The following TMTC2 variants were observed in gnomAD, a reference collection of about 807,000 sequenced individuals.
TMTC2 encodes the protein transmembrane O-mannosyltransferase targeting cadherins 2, also known as protein O-mannosyl-transferase TMTC2.
Under a neutral mutation model 82.4 loss-of-function variants are expected in TMTC2, and 43 were observed. The ratio of observed to expected loss-of-function variants is 0.52; its 90% CI spans 0.41 to 0.67. The LOEUF (loss-of-function observed/expected upper bound fraction) is 0.67, where lower values mean the gene tolerates loss of function less well. TMTC2 is among the 30% of genes least tolerant of loss of function. The pLI, the probability that TMTC2 is intolerant of heterozygous loss-of-function variation, is 0.00. For missense variants in TMTC2, 919 were observed against 1,012.4 expected (o/e 0.91, Z 1.25); for synonymous variants, 408 against 381.9 (o/e 1.07, Z -0.80).
chr12:82,769,402 G>T, intron 1 of TMTC2, among the ~76,000 whole-genome samples: 1 of 152,014 alleles, frequency 6.6e-6, no homozygotes, highest in African/African-American at 2.4e-5. Flanking sequence ...TTTGAGCCTG[G>T]GAGGCAGAGG....
chr12:83,027,574 C>T (rs1347472367), intron 8 of TMTC2, among the ~76,000 whole-genome samples: 7 of 152,064 alleles, frequency 4.6e-5, no homozygotes, highest in South Asian at 2.1e-4. Context: ...TTCCAAGAAC[C>T]GACTGACCAC....
intron 1 of TMTC2, among the ~76,000 whole-genome samples, chr12:82,688,005 A>G (rs1473657588): frequency 6.6e-6 from 1 of 152,216 alleles, no homozygotes; most frequent in African/African-American, 2.4e-5. Context: ...CCTTGATGCA[A>G]CAAAGCACAT....
intron 1 of TMTC2, among the ~76,000 whole-genome samples, chr12:82,835,120 C>T (rs1053281050): frequency 3.3e-5 from 5 of 152,140 alleles, no homozygotes; most frequent in African/African-American, 1.2e-4. Flanking sequence ...ACCTTGGCCT[C>T]CCAAAGTGCA....
At chr12:82,771,417 G>C (rs1044221592) in intron 1 of TMTC2, among the ~76,000 whole-genome samples, 7 of 152,002 alleles carry the variant, frequency 4.6e-5, no homozygotes, top group African/African-American at 1.7e-4. Flanking sequence ...GACTTCCCTT[G>C]AAAACTTAAG....
chr12:82,824,066 G>A (rs1403078955), intron 1 of TMTC2, among the ~76,000 whole-genome samples: 1 of 152,018 alleles, frequency 6.6e-6, no homozygotes, highest in Non-Finnish European at 1.5e-5. Context: ...GCTAATTTTT[G>A]TATTTTTAAT....
In TMTC2 at chr12:82,889,221, G is replaced by C. The variant is rs370767025; in HGVS notation, c.655-6597G>C. On this transcript the variant is annotated intron_variant, in intron 2 of 11. Coordinates refer to ENST00000321196, the MANE Select transcript of TMTC2 (RefSeq NM_152588.3). Reference sequence around the variant, plus strand: ...GAATGTGGGAGGCAGAGGCTGCAGTGAGCCGAGATCGTACCATTGCACTCC... The same window carrying C: ...GAATGTGGGAGGCAGAGGCTGCAGTCAGCCGAGATCGTACCATTGCACTCC... Among the ~76,000 whole-genome samples, 8 of 149,496 alleles carry C rather than the reference G, an allele frequency of 5.4e-5. No individual in the cohort carries two copies. In the South Asian group the frequency reaches 1.7e-3, roughly 32 times the overall value.
chr12:82,756,295 A>G (rs1240281313), intron 1 of TMTC2, among the ~76,000 whole-genome samples: 3 of 152,212 alleles, frequency 2.0e-5, no homozygotes, highest in Admixed American at 2.0e-4. Context: ...TTCCATGTAT[A>G]TGAAACACCT....
intron 1 of TMTC2, chr12:82,690,411 A>G (rs1872526624): frequency 3.0e-6 from 3 of 985,128 alleles, no homozygotes; most frequent in Non-Finnish European, 3.6e-6. Flanking sequence ...GCTTAACTAA[A>G]TCATTATTGC....
At position 82,687,544 on chromosome 12, in the gene TMTC2, G is replaced by A. The variant is rs757310320; in HGVS notation, c.-43G>A. On this transcript the variant is annotated 5_prime_UTR_variant, in exon 1 of 12. Transcript: ENST00000321196. ...GCTTCTGTTTTTTGTTGCCGCTGCT[G>A]CCCTCGCGCTGGGAGCCGAGCCGGA... 3.8e-6 allele frequency: 6 copies of A among 1,561,908 alleles called. No individual in the cohort carries two copies. The highest frequency in any genetic ancestry group is 1.3e-5 in the African/African-American group (1 of 74,614).
intron 11 of TMTC2, 149 bp from the exon 12 acceptor site, chr12:83,132,061 T>C: frequency 2.3e-6 from 2 of 862,956 alleles, no homozygotes; most frequent in East Asian, 2.8e-5. Flanking sequence ...TAGTTATCTT[T>C]ATCTGTTTGT....
chr12:82,702,163 A>T (rs969025706), intron 1 of TMTC2, among the ~76,000 whole-genome samples: 4 of 152,254 alleles, frequency 2.6e-5, no homozygotes, highest in Non-Finnish European at 5.9e-5. Context: ...AACATTAGTG[A>T]TATTGCCACA....
chr12:82,693,493 C>T (rs1872659805), intron 1 of TMTC2, among the ~76,000 whole-genome samples: 1 of 152,046 alleles, frequency 6.6e-6, no homozygotes, highest in African/African-American at 2.4e-5. Context: ...ACTAGATTTG[C>T]CTCAACTTGT....
chr12:82,937,750 G>GTGTA (rs1876420668), intron 4 of TMTC2, among the ~76,000 whole-genome samples: 1 of 106,046 alleles, frequency 9.4e-6, no homozygotes, highest in Non-Finnish European at 1.9e-5. Context: ...GTGTGTGTGT[G>GTGTA]TATATATATA....
At chr12:82,959,399 C>T (rs1212992799) in intron 4 of TMTC2, among the ~76,000 whole-genome samples, 1 of 152,076 alleles carries the variant, frequency 6.6e-6, no homozygotes, top group Non-Finnish European at 1.5e-5. Flanking sequence ...AACCCAGAGG[C>T]ATTGCATTAT....
intron 8 of TMTC2, among the ~76,000 whole-genome samples, chr12:83,001,141 T>A (rs1004133474): frequency 2.0e-5 from 3 of 152,188 alleles, no homozygotes; most frequent in Admixed American, 1.3e-4. Flanking sequence ...TCCCATTGTC[T>A]TGGTGATTAA....
At position 82,857,271 on chromosome 12, in the gene TMTC2, G is replaced by A; in HGVS notation, c.345G>A (p.Trp115Ter). 1 of 1,614,142 alleles carries A rather than the reference G, an allele frequency of 6.2e-7. No individual in the cohort carries two copies. The highest frequency in any genetic ancestry group is 2.2e-5 in the East Asian group (1 of 44,866). The stretch of plus-strand genomic sequence containing the variant: ...AGATCCTCCTTGGTGATGGATACTG[G>A]ACATTCATGGCTGGCTTGATGTTTG... ...FSKILLGDGY[W>*]TFMAGLMFAS... Residue 115 changes from tryptophan (W) to a stop codon, truncating the protein, a stop_gained, in exon 2 of 12, where the codon TGG (tryptophan) becomes TGA (stop). Coordinates refer to ENST00000321196, the MANE Select transcript of TMTC2 (RefSeq NM_152588.3). LOFTEE classifies it high-confidence loss of function.
chr12:82,719,658 T>G (rs1278242048), intron 1 of TMTC2, among the ~76,000 whole-genome samples: 1 of 139,796 alleles, frequency 7.2e-6, no homozygotes, highest in East Asian at 2.2e-4. Flanking sequence ...AACATGATTC[T>G]ATGTCTCTCT....
At chr12:82,690,959 T>A (rs556724297) in intron 1 of TMTC2, among the ~76,000 whole-genome samples, 22 of 152,288 alleles carry the variant, frequency 1.4e-4, no homozygotes, top group African/African-American at 4.8e-4. Flanking sequence ...ATAATACTGT[T>A]ATGAGTTTCT....
At chr12:82,790,670 A>T (rs552287358) in intron 1 of TMTC2, among the ~76,000 whole-genome samples, 13 of 151,900 alleles carry the variant, frequency 8.6e-5, no homozygotes, top group African/African-American at 3.1e-4. Flanking sequence ...TACTAAAAAT[A>T]CAAAAAATTA....
Sources: allele counts gnomAD v4.1 joint callset (sites outside exome capture counted in the v4.1 genomes callset), GRCh38; gene constraint gnomAD v4.1.1; transcripts MANE v1.5; gene names NCBI Gene and HGNC (gene_info 2026-07-23, HGNC 2026-07-21).